Variants in ALK observed in about 807,000 individuals in gnomAD.
ALK encodes ALK receptor tyrosine kinase.
A neutral mutation model predicts 163.1 loss-of-function variants in ALK; 74 were observed. That is an observed-to-expected ratio of 0.45 (90% confidence interval 0.38 to 0.55). The LOEUF (loss-of-function observed/expected upper bound fraction) is 0.55, where lower values mean the gene tolerates loss of function less well. Ranked by LOEUF, ALK falls within the 20% of genes least tolerant of loss-of-function variation. ALK has a pLI of 0.00. For synonymous variants in ALK, 960 were observed against 843.2 expected (o/e 1.14, Z -2.40); for missense variants, 2,063 against 2,105.3 (o/e 0.98, Z 0.39).
intron 11 of ALK, among the ~76,000 whole-genome samples, chr2:29,269,127 A>G (rs1665312940): frequency 6.6e-6 from 1 of 152,194 alleles, no homozygotes; most frequent in African/African-American, 2.4e-5. Flanking sequence ...TGATAGTGAC[A>G]TCTCCCTCAG....
At chr2:29,258,387 T>C (rs1282590965) in intron 11 of ALK, among the ~76,000 whole-genome samples, 1 of 152,248 alleles carries the variant, frequency 6.6e-6, no homozygotes, top group Non-Finnish European at 1.5e-5. Flanking sequence ...TTATTGCAAG[T>C]TGCAAAATAA....
intron 1 of ALK, among the ~76,000 whole-genome samples, chr2:29,788,987 G>A (rs1359958219): frequency 3.5e-5 from 5 of 140,934 alleles, no homozygotes; most frequent in Admixed American, 2.2e-4. Context: ...AAACGGCCGA[G>A]TCTAAAAACA....
At chr2:29,278,415 C>T (rs969347296) in intron 9 of ALK, among the ~76,000 whole-genome samples, 1 of 152,150 alleles carries the variant, frequency 6.6e-6, no homozygotes, top group African/African-American at 2.4e-5. Context: ...GAGTAGTAAG[C>T]AGGATGGGGA....
At position 29,377,678 on chromosome 2, in the gene ALK, A is replaced by C. The variant is rs1490705466; in HGVS notation, c.1282+6054T>G. 2.0e-5 allele frequency among the ~76,000 whole-genome samples: 3 copies of C among 152,182 alleles called. No individual in the cohort carries two copies. The East Asian group carries it at 5.8e-4, about 29-fold the overall frequency. ...TGTTTTAATTAAGGCTTCAGGCTCTAGAAAAGGTTTGAAGAGAGTTCAAAC... is the reference window on the plus strand; with the variant it reads ...TGTTTTAATTAAGGCTTCAGGCTCTCGAAAAGGTTTGAAGAGAGTTCAAAC... On this transcript the variant is annotated intron_variant, in intron 5 of 28. Transcript: ENST00000389048.
Position 29,227,119 on chromosome 2 carries a change from C to T in ALK, c.2915-45G>A, listed in dbSNP as rs1214676317. ...GTCAGTCTTGGGCCGAGCCTGCCTCCCCACTCCCAGCCTCAGTACTATGTC... is the reference window on the plus strand; with the variant it reads ...GTCAGTCTTGGGCCGAGCCTGCCTCTCCACTCCCAGCCTCAGTACTATGTC... On this transcript the variant is annotated intron_variant, in intron 17 of 28. Transcript: ENST00000389048. This position sits in a 1 kb window ranked among gnomAD's most constrained non-coding sequence, Gnocchi z 4.4. The T allele has an allele frequency of 6.2e-6, 10 of 1,613,514 alleles. No homozygotes were observed. The highest frequency in any genetic ancestry group is 8.5e-6 in the Non-Finnish European group (10 of 1,179,804).
intron 1 of ALK, among the ~76,000 whole-genome samples, chr2:29,881,841 C>T (rs1449156873): frequency 1.3e-5 from 2 of 151,974 alleles, no homozygotes; most frequent in African/African-American, 2.4e-5. Context: ...ACCTGTACTC[C>T]CCCATTTTCC....
chr2:29,726,859 C>T (rs1679590192), intron 1 of ALK, among the ~76,000 whole-genome samples: 1 of 152,176 alleles, frequency 6.6e-6, no homozygotes, highest in Non-Finnish European at 1.5e-5. Flanking sequence ...TCGGAAAGCA[C>T]AAATGCCCAA....
At chr2:29,597,172 T>C (rs779733880) in intron 3 of ALK, among the ~76,000 whole-genome samples, 4 of 152,192 alleles carry the variant, frequency 2.6e-5, no homozygotes, top group Non-Finnish European at 5.9e-5. Flanking sequence ...GAGCCTATTA[T>C]TAAAAGTGGG....
rs548362397 is a variant in ALK at position 29,858,600 on chromosome 2, G to A, written c.667+61393C>T. Among the ~76,000 whole-genome samples, 332 of 151,788 alleles carry A rather than the reference G, an allele frequency of 2.2e-3. 4 individuals are homozygous for A. The highest frequency in any genetic ancestry group is 7.6e-3 in the African/African-American group (315 of 41,436). ...ATACAAAAAAAAAAAAAAATTAGCC[G>A]CTCGTGGTGGCGCACACCTGTAGTC... On this transcript the variant is annotated intron_variant, in intron 1 of 28. Transcript: ENST00000389048.
chr2:29,306,134 T>G (rs1666503492), intron 8 of ALK, among the ~76,000 whole-genome samples: 1 of 152,164 alleles, frequency 6.6e-6, no homozygotes, highest in African/African-American at 2.4e-5. Context: ...ATGAAGTCAT[T>G]TGTTAATTGA....
Position 29,254,909 on chromosome 2 carries a change from AG to A in ALK, c.2042-3643del, listed in dbSNP as rs150171819. The stretch of plus-strand genomic sequence containing the variant: ...TTTCCCAATTCAGTGGACATACATT[AG>A]TCTCCAGTGGTTTCCATACACAAAA... On this transcript the variant is annotated intron_variant, in intron 11 of 28. Coordinates refer to ENST00000389048, the MANE Select transcript of ALK (RefSeq NM_004304.5). 7.2e-3 allele frequency among the ~76,000 whole-genome samples: 1,102 copies of A among 152,346 alleles called. 10 individuals carry two copies. The highest frequency in any genetic ancestry group is 0.025 in the African/African-American group (1,039 of 41,580).
At chr2:29,216,897 T>G (rs1669628357) in intron 23 of ALK, among the ~76,000 whole-genome samples, 1 of 144,526 alleles carries the variant, frequency 6.9e-6, no homozygotes, top group African/African-American at 2.6e-5. Flanking sequence ...TGATTGGTTG[T>G]GAGTATATGT....
intron 3 of ALK, among the ~76,000 whole-genome samples, chr2:29,668,434 G>C (rs973159777): frequency 7.9e-5 from 12 of 151,856 alleles, no homozygotes; most frequent in African/African-American, 2.9e-4. Flanking sequence ...ATATCCCATA[G>C]ATTTTGGTAT....
chr2:29,355,155 T>C (rs1037504731), intron 5 of ALK, among the ~76,000 whole-genome samples: 1 of 152,176 alleles, frequency 6.6e-6, no homozygotes, highest in African/African-American at 2.4e-5. Flanking sequence ...CTCATGAGCA[T>C]TTAGCTACTT....
chr2:29,200,657 C>T (rs901527132), intron 26 of ALK, among the ~76,000 whole-genome samples: 1 of 141,582 alleles, frequency 7.1e-6, no homozygotes, highest in Non-Finnish European at 1.6e-5. Flanking sequence ...ATAAGCCTGC[C>T]CTAAACAGGA....
In ALK at chr2:29,227,768, T is replaced by G; in HGVS notation, c.2816-96A>C. On this transcript the variant is annotated intron_variant, in intron 16 of 28. Transcript: ENST00000389048. The surrounding 1 kb of genome is among the most constrained non-coding windows in gnomAD (Gnocchi z 4.4). ...GTGGGGCATGCAGCTCTGGCCAAAG[T>G]TAGGGGGTCACTGGGGACCTCAGGG... 1.0e-6 allele frequency: 1 copy of G among 971,646 alleles called. No individual in the cohort carries two copies. 60.2% of individuals were successfully genotyped at this position (971,646 alleles called of 1,614,324 possible).
At chr2:29,537,864 T>C (rs1161511423) in intron 3 of ALK, among the ~76,000 whole-genome samples, 1 of 152,240 alleles carries the variant, frequency 6.6e-6, no homozygotes, top group African/African-American at 2.4e-5. Flanking sequence ...GCCCTGGATG[T>C]GGGACATGGT....
At chr2:29,232,220 A>G in intron 15 of ALK, 84 bp downstream of exon 15, 3 of 1,574,092 alleles carry the variant, frequency 1.9e-6, no homozygotes, top group Non-Finnish European at 2.6e-6. Context: ...AGTGACTAAG[A>G]TGCCCTCAGG....
chr2:29,362,255 G>A (rs901472664), intron 5 of ALK, among the ~76,000 whole-genome samples: 4 of 152,192 alleles, frequency 2.6e-5, no homozygotes, highest in African/African-American at 9.7e-5. Context: ...GGAAGTTGGA[G>A]AAATTCATTT....
Sources: gnomAD v4.1 joint callset for allele counts (sites outside exome capture counted in the v4.1 genomes callset) on GRCh38, gnomAD v4.1.1 for gene constraint, Gnocchi (gnomAD v3.1) non-coding constraint, MANE v1.5 for transcripts, NCBI Gene and HGNC (gene_info 2026-07-23, HGNC 2026-07-21) for gene names.